Variants in SCUBE2 observed in about 807,000 individuals in gnomAD.
SCUBE2 encodes the protein signal peptide, CUB domain and EGF like domain containing 2.
In SCUBE2, 114 loss-of-function variants were observed where a neutral mutation model predicts 125.9. That is an observed-to-expected ratio of 0.91 (90% CI 0.78 to 1.06). SCUBE2 has a LOEUF of 1.06. Ranked by LOEUF, SCUBE2 falls within the 50% of genes least tolerant of loss-of-function variation. The probability of loss-of-function intolerance (pLI) is 0.00; values close to 1 mark genes in which losing one functional copy is unlikely to be tolerated. For missense variants in SCUBE2, 1,255 were observed against 1,301.8 expected, an observed-to-expected ratio of 0.96 and a Z score of 0.55; for synonymous variants, 459 against 492.9, an observed-to-expected ratio of 0.93 and a Z score of 0.91.
At position 9,029,913 on chromosome 11, in the gene SCUBE2, T is replaced by A. The variant is rs1298788281; in HGVS notation, c.2474A>T (p.Asp825Val). Residue 825 changes from aspartate to valine, a missense_variant, in exon 19 of 23, where the codon GAT (aspartate) becomes GTT (valine). By Grantham distance (152) the Asp-to-Val change is radical. Around this residue, in one of 3 missense-constraint regions of SCUBE2, gnomAD observed 515 missense variants for 515.7 expected, o/e 1.00. Transcript: ENST00000649792. Reference sequence around the variant, plus strand: ...ACACTGGGTTATGTTTGTGGAGCCATCAAAGTCAGTCGTAGTATTTCCTGG... The same window carrying A: ...ACACTGGGTTATGTTTGTGGAGCCAACAAAGTCAGTCGTAGTATTTCCTGG... ...SCPGNTTTDFDGSTNITQCKN... is the reference protein window; with the variant it reads ...SCPGNTTTDFVGSTNITQCKN... The A allele has an allele frequency of 5.6e-6, 9 of 1,614,056 alleles. No homozygotes were observed. Among genetic ancestry groups the A allele is most frequent in the Non-Finnish European group, 7.6e-6 (9 of 1,180,044 alleles).
intron 2 of SCUBE2, among the ~76,000 whole-genome samples, chr11:9,082,371 T>C (rs1861709411): frequency 6.6e-6 from 1 of 152,096 alleles, no homozygotes; most frequent in Non-Finnish European, 1.5e-5. Flanking sequence ...TTTCTTTTGT[T>C]GTATGTGGCT....
chr11:9,078,429 A>G (rs1016767407), intron 3 of SCUBE2, among the ~76,000 whole-genome samples: 8 of 152,220 alleles, frequency 5.3e-5, no homozygotes, highest in Non-Finnish European at 1.0e-4. Context: ...CCCAAATGGA[A>G]ATAACCTCTC....
At position 9,091,444 on chromosome 11, in the gene SCUBE2, CCAGCAGCAGCAGTGGCGGCAGCAG is replaced by C. The variant is rs1238841268; in HGVS notation, c.61_84del (p.Leu21_Leu28del). 57 of 1,330,982 alleles carry C rather than the reference CCAGCAGCAGCAGTGGCGGCAGCAG, an allele frequency of 4.3e-5. 1 individual carries two copies. Among genetic ancestry groups the C allele is most frequent in the Non-Finnish European group, 5.4e-5 (56 of 1,044,522 alleles). 82.4% of individuals were successfully genotyped at this position (1,330,982 alleles called of 1,614,324 possible). ...CCCCGACCCGGCGGGACGGCCCCCG[CCAGCAGCAGCAGTGGCGGCAGCAG>C]CAGCAGCAGCAGCAGCACCGCCCAG... On this transcript the variant is annotated inframe_deletion, in exon 1 of 23. Transcript: ENST00000649792. The surrounding 1 kb of genome is among the most constrained non-coding windows in gnomAD (Gnocchi z 8.5).
chr11:9,048,031 G>A lies in SCUBE2; in HGVS notation c.1707C>T (p.Val569=). The A allele has an allele frequency of 6.2e-7, 1 of 1,614,164 alleles. No homozygotes were observed. The part of the protein sequence containing the change: ...VNLTCSSGKQ[V]PGAPGRPSTP... ...TGCTTGGTCGGCCAGGGGCTCCTGG[G>A]ACTTGCTTGCCAGAGCTGCATGTAA... is the stretch of plus-strand genomic sequence containing the variant. Residue 569 remains valine (V), a synonymous_variant, in exon 15 of 23, where the codon GTC becomes GTT. Coordinates refer to ENST00000649792, the MANE Select transcript of SCUBE2 (RefSeq NM_001367977.2).
intron 8 of SCUBE2, 194 bp from the exon 9 acceptor site, chr11:9,059,619 A>T: frequency 1.4e-6 from 1 of 699,410 alleles, no homozygotes; most frequent in Non-Finnish European, 2.2e-6. Context: ...TTTGAAAGAC[A>T]AGTGTTTCAT....
intron 9 of SCUBE2, among the ~76,000 whole-genome samples, chr11:9,056,475 C>T (rs1394023549): frequency 6.6e-6 from 1 of 152,122 alleles, no homozygotes; most frequent in Non-Finnish European, 1.5e-5. Flanking sequence ...ATACTAATAT[C>T]CTCACTAATT....
chr11:9,054,714 TATATA>T (rs1858849319), intron 10 of SCUBE2, among the ~76,000 whole-genome samples: 3 of 78,858 alleles, frequency 3.8e-5, no homozygotes, highest in South Asian at 5.3e-4. Context: ...TATATATATA[TATATA>T]TATATATTTT....
At chr11:9,026,165 T>C (rs2135051413) in intron 20 of SCUBE2, 1 of 218,730 alleles carries the variant, frequency 4.6e-6, no homozygotes. Flanking sequence ...GTCATCTAAT[T>C]GTCATCACCA....
chr11:9,080,323 A>G (rs1861533710), intron 2 of SCUBE2, among the ~76,000 whole-genome samples: 1 of 152,248 alleles, frequency 6.6e-6, no homozygotes, highest in African/African-American at 2.4e-5. Context: ...AAATGTAAGC[A>G]TTAACAATAT....
chr11:9,025,616 G>A (rs1855656290), intron 21 of SCUBE2, 86 bp downstream of exon 21: 2 of 1,510,412 alleles, frequency 1.3e-6, no homozygotes, highest in South Asian at 1.2e-5. Context: ...GAGCATGTGT[G>A]CTTGTCAGCA....
chr11:9,083,642 C>T (rs1861828981), intron 2 of SCUBE2, among the ~76,000 whole-genome samples: 1 of 151,736 alleles, frequency 6.6e-6, no homozygotes, highest in Admixed American at 6.6e-5. Context: ...GCAACCTCCG[C>T]CCCCCAGGTT....
At position 9,091,426 on chromosome 11, in the gene SCUBE2, C is replaced by T; in HGVS notation, c.103G>A (p.Gly35Ser). 1.5e-6 allele frequency: 2 copies of T among 1,333,552 alleles called. No individual in the cohort carries two copies. The highest frequency in any genetic ancestry group is 1.9e-6 in the Non-Finnish European group (2 of 1,043,874). 82.6% of individuals were successfully genotyped at this position (1,333,552 alleles called of 1,614,324 possible). The change falls in exon 1 of 23, where the codon GGT (glycine) becomes AGT (serine). Residue 35 changes from glycine to serine, a missense_variant. Physicochemically the swap from Gly to Ser is moderately conservative, Grantham distance 56. Coordinates refer to ENST00000649792, the MANE Select transcript of SCUBE2 (RefSeq NM_001367977.2). The surrounding 1 kb of genome is among the most constrained non-coding windows in gnomAD (Gnocchi z 8.5). Reference sequence around the variant, plus strand: ...TGCGGCCCCGCGGCACGGCCCCGACCCGGCGGGACGGCCCCCGCCAGCAGC... The same window carrying T: ...TGCGGCCCCGCGGCACGGCCCCGACTCGGCGGGACGGCCCCCGCCAGCAGC... Reference protein sequence around the residue: ...LLLLAGAVPPGRGRAAGPQED... With the variant: ...LLLLAGAVPPSRGRAAGPQED...
chr11:9,071,455 A>C (rs1235001857), intron 4 of SCUBE2, among the ~76,000 whole-genome samples: 1 of 152,232 alleles, frequency 6.6e-6, no homozygotes, highest in African/African-American at 2.4e-5. Context: ...GGAAACGCTG[A>C]CAGCTTTTCA....
chr11:9,037,524 C>T (rs1307820750), intron 16 of SCUBE2, among the ~76,000 whole-genome samples: 1 of 152,168 alleles, frequency 6.6e-6, no homozygotes, highest in Non-Finnish European at 1.5e-5. Context: ...TAAAAGGGGT[C>T]ACCCTCTAGT....
At chr11:9,061,573 A>G (rs1292644387) in intron 7 of SCUBE2, among the ~76,000 whole-genome samples, 1 of 97,960 alleles carries the variant, frequency 1.0e-5, no homozygotes, top group Non-Finnish European at 2.4e-5. Flanking sequence ...AAAGAAAAGA[A>G]AAAAAAAAAA....
rs1261399107 is a variant in SCUBE2, at chr11:9,019,668, A to G, written c.*1377T>C. Reference sequence around the variant, plus strand: ...AACACTGAGATGAAAAGCAAGTTTAACCATAATGAAGTTCTCTTTGTTTTC... The same window carrying G: ...AACACTGAGATGAAAAGCAAGTTTAGCCATAATGAAGTTCTCTTTGTTTTC... On this transcript the variant is annotated 3_prime_UTR_variant, in exon 23 of 23. Transcript: ENST00000649792. Among the ~76,000 whole-genome samples, 3 of 152,210 alleles carry G rather than the reference A, an allele frequency of 2.0e-5. No homozygotes were observed. The highest frequency in any genetic ancestry group is 3.9e-4 in the East Asian group (2 of 5,194).
intron 16 of SCUBE2, among the ~76,000 whole-genome samples, chr11:9,045,974 C>T (rs1857693342): frequency 6.6e-6 from 1 of 150,766 alleles, no homozygotes; most frequent in Admixed American, 6.6e-5. Context: ...CACAGCTACA[C>T]AAACCCTCTA....
chr11:9,053,990 CTTTTTTTTTTTT>C (rs11474890), intron 10 of SCUBE2, among the ~76,000 whole-genome samples: 4 of 75,064 alleles, frequency 5.3e-5, no homozygotes, highest in South Asian at 5.1e-4. Flanking sequence ...AAGCTCCACT[CTTTTTTTTTTTT>C]TTTTTTTTTT....
chr11:9,031,911 G>A (rs1415345710), intron 17 of SCUBE2, among the ~76,000 whole-genome samples: 1 of 152,058 alleles, frequency 6.6e-6, no homozygotes, highest in African/African-American at 2.4e-5. Flanking sequence ...ACACACCATT[G>A]GGAGGAGCCT....
Sources: gnomAD v4.1 joint callset for allele counts (sites outside exome capture counted in the v4.1 genomes callset) on GRCh38, gnomAD v4.1.1 for gene constraint, gnomAD v4.1.1 regional missense constraint, Gnocchi (gnomAD v3.1) non-coding constraint, MANE v1.5 for transcripts, NCBI Gene and HGNC (gene_info 2026-07-23, HGNC 2026-07-21) for gene names.